KPTN: variants seen among roughly 807,000 people sequenced by gnomAD.
KPTN encodes the protein KICSTOR complex protein kaptin.
Under a neutral mutation model 52.6 loss-of-function variants are expected in KPTN, and 36 were observed. The ratio of observed to expected loss-of-function variants is 0.68; its 90% CI spans 0.52 to 0.90. The LOEUF is 0.90. Among genes scored for constraint, KPTN ranks in the 40% least tolerant of loss-of-function variants. The probability of loss-of-function intolerance (pLI) is 0.00; values close to 1 mark genes in which losing one functional copy is unlikely to be tolerated. For synonymous variants in KPTN, 271 were observed against 248.4 expected (o/e 1.09, Z -0.85); for missense variants, 529 against 576.2 (o/e 0.92, Z 0.84).
At chr19:47,477,208 T>A (rs889989853) in intron 9 of KPTN, among the ~76,000 whole-genome samples, 2 of 152,184 alleles carry the variant, frequency 1.3e-5, no homozygotes, top group Non-Finnish European at 2.9e-5. Context: ...GATGCATGTG[T>A]CCTCAATTTA....
intron 9 of KPTN, among the ~76,000 whole-genome samples, chr19:47,477,427 C>T (rs1405087685): frequency 6.6e-6 from 1 of 152,142 alleles, no homozygotes; most frequent in African/African-American, 2.4e-5. Flanking sequence ...CAAACCTGGG[C>T]TTTCCTCGTG....
At chr19:47,480,648 A>G (rs1263004771) in intron 6 of KPTN, 112 bp downstream of exon 6, 2 of 993,646 alleles carry the variant, frequency 2.0e-6, no homozygotes, top group Non-Finnish European at 1.6e-6. Flanking sequence ...CATGCCGTGG[A>G]CTGATTTTTC....
intron 5 of KPTN, 59 bp from the exon 6 acceptor site, chr19:47,480,892 T>C (rs1327013573): frequency 5.6e-6 from 9 of 1,609,172 alleles, no homozygotes; most frequent in Non-Finnish European, 7.7e-6. Context: ...TTCACACATA[T>C]ACCCACCCAG....
rs143560825 is a variant in KPTN at position 47,479,320 on chromosome 19, G to C, written c.787+543C>G. Reference sequence around the variant, plus strand: ...GGCCTCCCAAAGTGCTGGGATTACCGCGCCTAGTCAAAACTTTTTTAAAAA... The same window carrying C: ...GGCCTCCCAAAGTGCTGGGATTACCCCGCCTAGTCAAAACTTTTTTAAAAA... On this transcript the variant is annotated intron_variant, in intron 8 of 11. Coordinates refer to ENST00000338134, the MANE Select transcript of KPTN (RefSeq NM_007059.4). Among the ~76,000 whole-genome samples the C allele has an allele frequency of 3.3e-3, 500 of 152,244 alleles. 3 individuals are homozygous for C. Among genetic ancestry groups the C allele is most frequent in the African/African-American group, 0.011 (473 of 41,558 alleles).
intron 6 of KPTN, 141 bp downstream of exon 6, chr19:47,480,619 T>C: frequency 1.2e-6 from 1 of 855,592 alleles, no homozygotes; most frequent in African/African-American, 1.7e-5. Context: ...TCACCCCTGC[T>C]GATCAATTTC....
In KPTN at chr19:47,475,173, T is replaced by C. The variant is rs1014642361; in HGVS notation, c.*243A>G. 5 of 397,514 alleles carry C rather than the reference T, an allele frequency of 1.3e-5. No individual in the cohort carries two copies. Among genetic ancestry groups the C allele is most frequent in the African/African-American group, 2.0e-5 (1 of 49,254 alleles). The allele number at this position is 397,514 out of a possible 1,614,324, so 24.6% of individuals were successfully genotyped here. On this transcript the variant is annotated 3_prime_UTR_variant, in exon 12 of 12. Transcript: ENST00000338134. The stretch of plus-strand genomic sequence containing the variant: ...AATGATGTTCTTCTGGACGTATAAA[T>C]AACCATCAGGTGGCCAATTCTCATC...
Position 47,475,253 on chromosome 19 carries a change from G to T in KPTN, c.*163C>A, listed in dbSNP as rs944860850. The stretch of plus-strand genomic sequence containing the variant: ...CCTGCTTTCAAATAGGGACATTGAC[G>T]TACAGAGAGAGGAGTGGGTTAGCTG... On this transcript the variant is annotated 3_prime_UTR_variant, in exon 12 of 12. Transcript: ENST00000338134. 5 of 646,170 alleles carry T rather than the reference G, an allele frequency of 7.7e-6. No homozygotes were observed. Among genetic ancestry groups the T allele is most frequent in the Admixed American group, 5.9e-5 (2 of 34,076 alleles). The allele number at this position is 646,170 out of a possible 1,614,324, so 40.0% of individuals were successfully genotyped here. A position where few individuals can be genotyped will look rare whatever the true frequency, so the allele number is the denominator to read the frequency against.
rs1273959982 is a variant in KPTN at position 47,480,853 on chromosome 19, C to T, written c.526-20G>A. On this transcript the variant is annotated intron_variant, in intron 5 of 11. Transcript: ENST00000338134. ...CTCGTTCTGGGGAAACCAAGACCCA[C>T]CCCACCCCCGCTTAAGTCAGCCGTC... is the stretch of plus-strand genomic sequence containing the variant. 14 of 1,613,518 alleles carry T rather than the reference C, an allele frequency of 8.7e-6. No individual in the cohort carries two copies. Among genetic ancestry groups the T allele is most frequent in the Middle Eastern group, 1.6e-4 (1 of 6,084 alleles).
chr19:47,481,816 G>A (rs1967886414), intron 4 of KPTN, among the ~76,000 whole-genome samples: 1 of 152,152 alleles, frequency 6.6e-6, no homozygotes, highest in Non-Finnish European at 1.5e-5. Flanking sequence ...TAGACCATCT[G>A]TGTTCTGGAA....
chr19:47,475,566 G>A (rs746377317), intron 11 of KPTN, 22 bp from the exon 12 acceptor site: 2 of 1,609,330 alleles, frequency 1.2e-6, no homozygotes, highest in South Asian at 2.2e-5. Flanking sequence ...AAGAGAATGA[G>A]GGGGATGGAG....
chr19:47,480,280 C>T lies in KPTN; in HGVS notation c.709+18G>A. ...GCCCTCAACCCCACCCCTTACCCCGCCTCACCGCGGCCCTCACCTCGACTC... is the reference window on the plus strand; with the variant it reads ...GCCCTCAACCCCACCCCTTACCCCGTCTCACCGCGGCCCTCACCTCGACTC... On this transcript the variant is annotated intron_variant, in intron 7 of 11. Coordinates refer to ENST00000338134, the MANE Select transcript of KPTN (RefSeq NM_007059.4). The T allele has an allele frequency of 1.3e-6, 2 of 1,521,260 alleles. No homozygotes were observed. Among genetic ancestry groups the T allele is most frequent in the Non-Finnish European group, 1.8e-6 (2 of 1,121,600 alleles). 94.2% of individuals were successfully genotyped at this position (1,521,260 alleles called of 1,614,324 possible).
At chr19:47,483,676 C>T (rs1967969931) in intron 1 of KPTN, 92 bp from the exon 2 acceptor site, 2 of 1,030,416 alleles carry the variant, frequency 1.9e-6, no homozygotes, top group Admixed American at 2.2e-5. Context: ...AATGATCATG[C>T]CCTCTGGTCT....
chr19:47,483,786 A>C (rs1163948314), intron 1 of KPTN, 149 bp downstream of exon 1: 1 of 1,173,692 alleles, frequency 8.5e-7, no homozygotes, highest in Non-Finnish European at 1.2e-6. Flanking sequence ...TCCGGGCCCC[A>C]ACTATGCCTG....
upstream of KPTN, among the ~76,000 whole-genome samples, chr19:47,485,706 C>G (rs1390205644): frequency 6.6e-6 from 1 of 152,168 alleles, no homozygotes; most frequent in Non-Finnish European, 1.5e-5. Context: ...ATGGAAAGTT[C>G]TCAAAGGCAG....
At chr19:47,483,248 G>C in intron 3 of KPTN, 33 bp from the exon 4 acceptor site, 1 of 1,611,966 alleles carries the variant, frequency 6.2e-7, no homozygotes, top group Non-Finnish European at 8.5e-7. Flanking sequence ...TTAGCATGGG[G>C]GACCTGCTGG....
intron 4 of KPTN, chr19:47,481,719 A>C (rs1201299756): frequency 6.6e-6 from 1 of 152,280 alleles, no homozygotes; most frequent in Non-Finnish European, 1.5e-5. Context: ...CTACAATGGC[A>C]AAGTGAGTAG....
In KPTN at chr19:47,483,510, A is replaced by C. The variant is rs976524735; in HGVS notation, c.301T>G (p.Phe101Val). 3.8e-6 allele frequency: 6 copies of C among 1,593,244 alleles called. No individual in the cohort carries two copies. In the Middle Eastern group the frequency reaches 5.0e-4, roughly 132 times the overall value. The change falls in exon 2 of 12, where the codon TTC (phenylalanine) becomes GTC (valine). Residue 101 changes from phenylalanine to valine, a missense_variant. By Grantham distance (50) the Phe-to-Val change is conservative. Coordinates refer to ENST00000338134, the MANE Select transcript of KPTN (RefSeq NM_007059.4). ...GAGGGGGCTCTAGGTACCTTGATGA[A>C]CGTGATCCCCACAACCAGACCCCGC... ...PKRGLVVGITFIKDSGDKGSP... is the reference protein window; with the variant it reads ...PKRGLVVGITVIKDSGDKGSP...
At chr19:47,479,998 T>G in intron 7 of KPTN, 58 bp from the exon 8 acceptor site, 3 of 1,157,492 alleles carry the variant, frequency 2.6e-6, no homozygotes, top group South Asian at 2.9e-5. Context: ...CCCGCAGCCC[T>G]GAAACCATCG....
Position 47,476,846 on chromosome 19 carries a change from T to G in KPTN, c.956A>C (p.Asp319Ala). ...SVLCSLVTDV[D>A]LDGRPEVLVA... is the part of the protein sequence containing the mutation. Reference sequence around the variant, plus strand: ...CAGGACTTCTGGCCGCCCATCCAAATCCACATCGGTGACCAGGCTGCAGAG... The same window carrying G: ...CAGGACTTCTGGCCGCCCATCCAAAGCCACATCGGTGACCAGGCTGCAGAG... Residue 319 changes from aspartate (D) to alanine (A), a missense_variant, in exon 10 of 12, where the codon GAT becomes GCT. Physicochemically the swap from Asp to Ala is moderately radical, Grantham distance 126 (BLOSUM62 -2). Coordinates refer to ENST00000338134, the MANE Select transcript of KPTN (RefSeq NM_007059.4). 6.3e-7 allele frequency: 1 copy of G among 1,578,356 alleles called. No homozygotes were observed. Among genetic ancestry groups the G allele is most frequent in the South Asian group, 1.2e-5 (1 of 86,378 alleles).
Sources: allele counts gnomAD v4.1 joint callset (sites outside exome capture counted in the v4.1 genomes callset), GRCh38; gene constraint gnomAD v4.1.1; transcripts MANE v1.5; gene names NCBI Gene and HGNC (gene_info 2026-07-23, HGNC 2026-07-21).